IMPG2: variants seen among roughly 807,000 people sequenced by gnomAD.
IMPG2 encodes IPM 200.
In IMPG2, 91 loss-of-function variants were observed where a neutral mutation model predicts 129.2. The ratio of observed to expected loss-of-function variants is 0.70; its 90% CI spans 0.59 to 0.84. The LOEUF (loss-of-function observed/expected upper bound fraction) is 0.84. IMPG2 is among the 40% of genes least tolerant of loss of function. The pLI is 0.00. For missense variants in IMPG2, 1,430 were observed against 1,461.7 expected, an observed-to-expected ratio of 0.98 and a Z score of 0.35; for synonymous variants, 510 against 517.7, an observed-to-expected ratio of 0.99 and a Z score of 0.20.
chr3:101,269,638 G>T, intron 7 of IMPG2, 65 bp from the exon 8 acceptor site: 1 of 937,872 alleles, frequency 1.1e-6, no homozygotes, highest in Non-Finnish European at 1.7e-6. Context: ...AGAAAATAAT[G>T]CTTTTAAGAG....
At chr3:101,233,229 A>G (rs1706309580) in intron 14 of IMPG2, among the ~76,000 whole-genome samples, 1 of 152,210 alleles carries the variant, frequency 6.6e-6, no homozygotes, top group African/African-American at 2.4e-5. Context: ...TGACCTATCT[A>G]AGCCTTAACA....
At chr3:101,247,236 A>G (rs1284523122) in intron 11 of IMPG2, among the ~76,000 whole-genome samples, 7 of 152,236 alleles carry the variant, frequency 4.6e-5, no homozygotes, top group Admixed American at 1.3e-4. Flanking sequence ...AAAAACTCGT[A>G]AAATATTTCC....
intron 2 of IMPG2, among the ~76,000 whole-genome samples, chr3:101,310,629 TA>T (rs1040572049): frequency 5.5e-5 from 8 of 145,800 alleles, no homozygotes; most frequent in African/African-American, 2.2e-4. Flanking sequence ...GCAAACATAA[TA>T]AAATGTTAAC....
intron 12 of IMPG2, among the ~76,000 whole-genome samples, chr3:101,245,503 T>A (rs1439098330): frequency 6.6e-6 from 1 of 152,232 alleles, no homozygotes; most frequent in Admixed American, 6.5e-5. Flanking sequence ...GTAAAGTGGC[T>A]CTTTAATAGT....
At chr3:101,286,893 A>G (rs1436579290) in intron 4 of IMPG2, among the ~76,000 whole-genome samples, 1 of 151,992 alleles carries the variant, frequency 6.6e-6, no homozygotes, top group African/African-American at 2.4e-5. Flanking sequence ...TCCAGAGAAA[A>G]CCCATTATGC....
At position 101,272,934 on chromosome 3, in the gene IMPG2, C is replaced by G. The variant is rs1706802687; in HGVS notation, c.828+647G>C. 2.0e-5 allele frequency among the ~76,000 whole-genome samples: 3 copies of G among 152,130 alleles called. No homozygotes were observed. The South Asian group carries it at 6.2e-4, about 32-fold the overall frequency. Reference sequence around the variant, plus strand: ...GATAAGCATTCAATGTCTTACTGCACAAAAGCAAAGGCAAACTAGACGGGG... The same window carrying G: ...GATAAGCATTCAATGTCTTACTGCAGAAAAGCAAAGGCAAACTAGACGGGG... On this transcript the variant is annotated intron_variant, in intron 7 of 18. Transcript: ENST00000193391.
intron 1 of IMPG2, 124 bp downstream of exon 1, chr3:101,320,164 A>G (rs763180510): frequency 3.0e-6 from 2 of 659,068 alleles, no homozygotes; most frequent in Non-Finnish European, 5.1e-6. Context: ...ATGAAGCCAT[A>G]TCAAAGATTA....
At chr3:101,319,087 A>C (rs950864996) in intron 2 of IMPG2, among the ~76,000 whole-genome samples, 2 of 152,108 alleles carry the variant, frequency 1.3e-5, no homozygotes, top group African/African-American at 4.8e-5. Flanking sequence ...TACTTTGGTA[A>C]AGCTATTTTG....
intron 4 of IMPG2, among the ~76,000 whole-genome samples, chr3:101,287,776 A>C (rs1257985472): frequency 6.6e-6 from 1 of 152,162 alleles, no homozygotes; most frequent in Admixed American, 6.5e-5. Context: ...AAGACCTCAA[A>C]CTATAAAAAT....
At position 101,257,707 on chromosome 3, in the gene IMPG2, G is replaced by C; in HGVS notation, c.975C>G (p.Leu325=). 6.8e-6 allele frequency: 11 copies of C among 1,613,386 alleles called. No individual in the cohort carries two copies. The highest frequency in any genetic ancestry group is 9.3e-6 in the Non-Finnish European group (11 of 1,179,544). The change falls in exon 10 of 19, where the codon CTC becomes CTG. Residue 325 remains leucine (L), a synonymous_variant. Transcript: ENST00000193391. ...CCACCTTGTTGGAGTGAAGGCTAAT[G>C]AGGTCCCAGGTGGTATTGCTGATGG... ...GEAISNTTWD[L]ISLHSNKVEN...
intron 11 of IMPG2, among the ~76,000 whole-genome samples, chr3:101,247,389 G>A (rs149210875): frequency 6.6e-6 from 1 of 152,306 alleles, no homozygotes; most frequent in East Asian, 1.9e-4. Context: ...CCTGAGGTTG[G>A]GAGTTCGAGG....
In IMPG2 at chr3:101,253,692, A is replaced by T; in HGVS notation, c.1239+4T>A. Reference sequence around the variant, plus strand: ...TGGTTCTAGCATAAAACATAAAAACATACCAGAATAGATGACGGCGTTGCC... The same window carrying T: ...TGGTTCTAGCATAAAACATAAAAACTTACCAGAATAGATGACGGCGTTGCC... On this transcript the variant is annotated splice_donor_region_variant and intron_variant, in intron 11 of 18. Transcript: ENST00000193391. 1 of 1,605,456 alleles carries T rather than the reference A, an allele frequency of 6.2e-7. No homozygotes were observed. The highest frequency in any genetic ancestry group is 8.5e-7 in the Non-Finnish European group (1 of 1,173,428).
intron 13 of IMPG2, 49 bp downstream of exon 13, chr3:101,243,480 G>A: frequency 2.0e-6 from 3 of 1,538,052 alleles, no homozygotes; most frequent in Non-Finnish European, 2.7e-6. Flanking sequence ...GGAGGAGTCG[G>A]TCATACATGA....
chr3:101,225,977 A>G lies in IMPG2; in HGVS notation c.*992T>C, dbSNP rs972720631. On this transcript the variant is annotated 3_prime_UTR_variant, in exon 19 of 19. Transcript: ENST00000193391. Reference sequence around the variant, plus strand: ...AGGAGGTATTACACAAAGGAGAAGCAATGAAAATGAGCTCATCTATATTAT... The same window carrying G: ...AGGAGGTATTACACAAAGGAGAAGCGATGAAAATGAGCTCATCTATATTAT... 3 of 154,600 alleles carry G rather than the reference A, an allele frequency of 1.9e-5. No individual in the cohort carries two copies. The highest frequency in any genetic ancestry group is 6.6e-5 in the Admixed American group (1 of 15,256). The allele number at this position is 154,600 out of a possible 1,614,324, so 9.6% of individuals were successfully genotyped here. A position where few individuals can be genotyped will look rare whatever the true frequency, so the allele number is the denominator to read the frequency against.
chr3:101,260,468 T>A (rs755761592), intron 9 of IMPG2, among the ~76,000 whole-genome samples: 1 of 152,070 alleles, frequency 6.6e-6, no homozygotes, highest in Non-Finnish European at 1.5e-5. Flanking sequence ...CAAATGATGG[T>A]TCCAAGATAG....
At chr3:101,250,006 A>T (rs1042719905) in intron 11 of IMPG2, among the ~76,000 whole-genome samples, 1 of 152,046 alleles carries the variant, frequency 6.6e-6, no homozygotes, top group African/African-American at 2.4e-5. Flanking sequence ...GAACCCAAGG[A>T]GTTTGAGGCT....
intron 18 of IMPG2, chr3:101,227,777 T>G (rs2107202132): frequency 2.2e-6 from 1 of 456,160 alleles, no homozygotes; most frequent in Non-Finnish European, 4.4e-6. Flanking sequence ...ACCATGCACA[T>G]GGAATTAGAA....
intron 4 of IMPG2, among the ~76,000 whole-genome samples, chr3:101,280,759 AACATGGCGAAACC>A (rs1226767983): frequency 6.6e-6 from 1 of 152,174 alleles, no homozygotes; most frequent in East Asian, 1.9e-4. Context: ...CAGCCTGGCC[AACATGGCGAAACC>A]CCATCTCTAC....
At chr3:101,238,120 T>C (rs1706367647) in intron 14 of IMPG2, among the ~76,000 whole-genome samples, 1 of 151,158 alleles carries the variant, frequency 6.6e-6, no homozygotes, top group Admixed American at 6.6e-5. Flanking sequence ...AGAAAGGATA[T>C]GAGATTGAAG....
Sources: allele counts gnomAD v4.1 joint callset (sites outside exome capture counted in the v4.1 genomes callset), GRCh38; gene constraint gnomAD v4.1.1; transcripts MANE v1.5; gene names NCBI Gene and HGNC (gene_info 2026-07-23, HGNC 2026-07-21).